The following PTPRS variants were observed in gnomAD, a reference collection of about 807,000 sequenced individuals.
PTPRS encodes the protein protein tyrosine phosphatase receptor type S, also known as receptor-type tyrosine-protein phosphatase S.
PTPRS carries 63 observed loss-of-function variants against 215.3 expected under a neutral mutation model. The observed-to-expected ratio is 0.29, with a 90% CI of 0.24 to 0.36. The LOEUF (loss-of-function observed/expected upper bound fraction) is 0.36, where lower values mean the gene tolerates loss of function less well. Ranked by LOEUF, PTPRS falls within the 10% of genes least tolerant of loss-of-function variation. The probability of loss-of-function intolerance (pLI) is 1.00; values close to 1 mark genes in which losing one functional copy is unlikely to be tolerated. For missense variants in PTPRS, 2,258 were observed against 2,825.8 expected, an observed-to-expected ratio of 0.80 and a Z score of 4.56; for synonymous variants, 1,404 against 1,191.4, an observed-to-expected ratio of 1.18 and a Z score of -3.68.
In PTPRS at chr19:5,262,185, G is replaced by T. The variant is rs143159560; in HGVS notation, c.577+779C>A. The stretch of plus-strand genomic sequence containing the variant: ...TGCTACTCAGGAGACTGAGGCAGGA[G>T]AATTGCTTGAATCGGGGACGTGGAG... On this transcript the variant is annotated intron_variant, in intron 6 of 37. Transcript: ENST00000262963. 4.0e-3 allele frequency among the ~76,000 whole-genome samples: 613 copies of T among 152,292 alleles called. 3 individuals are homozygous for T. The highest frequency in any genetic ancestry group is 0.013 in the African/African-American group (554 of 41,554).
intron 1 of PTPRS, among the ~76,000 whole-genome samples, chr19:5,330,321 C>T (rs1377772651): frequency 6.6e-6 from 1 of 152,154 alleles, no homozygotes; most frequent in South Asian, 2.1e-4. Flanking sequence ...TTTCCCCATC[C>T]GCAAGACAAG....
At chr19:5,337,420 C>T (rs77553489) in intron 1 of PTPRS, among the ~76,000 whole-genome samples, 15,783 of 152,216 alleles carry the variant, frequency 0.1, 1,003 homozygotes, top group Middle Eastern at 0.21. Flanking sequence ...CGTCCCTCTC[C>T]GGCCATCCCA....
intron 1 of PTPRS, among the ~76,000 whole-genome samples, chr19:5,333,343 T>C (rs1247705759): frequency 6.7e-6 from 1 of 149,986 alleles, no homozygotes; most frequent in Non-Finnish European, 1.5e-5. Context: ...ATAATAATAA[T>C]AATAATACAA....
Position 5,225,756 on chromosome 19 carries a change from T to C in PTPRS, c.2465A>G (p.Lys822Arg), listed in dbSNP as rs1475868980. ...TCCCTTGGTCACAACCACCTTGGGT[T>C]TGCTGCGAGCGCCATCGCCCTTCAT... Reference protein sequence around the residue: ...YTMKGDGARSKPKVVVTKGAV... With the variant: ...YTMKGDGARSRPKVVVTKGAV... Residue 822 changes from lysine to arginine, a missense_variant, in exon 17 of 38, where the codon AAA becomes AGA. By Grantham distance (26) the Lys-to-Arg change is conservative. This residue lies in a region of PTPRS where 371 missense variants were observed against 446.7 expected (regional missense o/e 0.83). Transcript: ENST00000262963. 1 of 1,614,010 alleles carries C rather than the reference T, an allele frequency of 6.2e-7. No individual in the cohort carries two copies. The highest frequency in any genetic ancestry group is 1.1e-5 in the South Asian group (1 of 91,082).
chr19:5,257,981 G>A lies in PTPRS; in HGVS notation c.706+36C>T. Reference sequence around the variant, plus strand: ...GGAGGGAGGGGGATGGGACGGGGCGGGTCCCTGCCTTTGACCTGGACGCGG... The same window carrying A: ...GGAGGGAGGGGGATGGGACGGGGCGAGTCCCTGCCTTTGACCTGGACGCGG... On this transcript the variant is annotated intron_variant, in intron 8 of 37. Coordinates refer to ENST00000262963, the MANE Select transcript of PTPRS (RefSeq NM_002850.4). The surrounding 1 kb of genome is among the most constrained non-coding windows in gnomAD (Gnocchi z 4.4). 2 of 1,566,836 alleles carry A rather than the reference G, an allele frequency of 1.3e-6. No homozygotes were observed. The highest frequency in any genetic ancestry group is 2.2e-5 in the South Asian group (2 of 88,974).
chr19:5,321,074 C>T (rs2050012526), intron 1 of PTPRS, among the ~76,000 whole-genome samples: 1 of 152,088 alleles, frequency 6.6e-6, no homozygotes, highest in African/African-American at 2.4e-5. Flanking sequence ...CCAGCCTGGA[C>T]AACATAACAA....
intron 9 of PTPRS, among the ~76,000 whole-genome samples, chr19:5,246,990 C>T (rs1340041682): frequency 6.6e-6 from 1 of 151,414 alleles, no homozygotes; most frequent in Non-Finnish European, 1.5e-5. Context: ...CTAGTGCACA[C>T]TTACGTGACA....
At chr19:5,250,681 G>A (rs1477117785) in intron 9 of PTPRS, among the ~76,000 whole-genome samples, 1 of 148,602 alleles carries the variant, frequency 6.7e-6, no homozygotes, top group Non-Finnish European at 1.5e-5. Flanking sequence ...GTGGCAGGTT[G>A]TGGGGGGTGG....
At position 5,206,852 on chromosome 19, in the gene PTPRS, C is replaced by T. The variant is rs186731512; in HGVS notation, c.5779-10G>A. 17 of 1,613,818 alleles carry T rather than the reference C, an allele frequency of 1.1e-5. No homozygotes were observed. Among genetic ancestry groups the T allele is most frequent in the Non-Finnish European group, 1.4e-5 (16 of 1,179,768 alleles). On this transcript the variant is annotated splice_polypyrimidine_tract_variant and intron_variant, in intron 37 of 37. Transcript: ENST00000262963. ...AGAACTGGTACTCATCCTGGGGGAG[C>T]AGAGGTGACCTGTTAGTACCTCCGC...
chr19:5,235,071 G>T (rs1373984275), intron 13 of PTPRS, among the ~76,000 whole-genome samples: 4 of 151,894 alleles, frequency 2.6e-5, no homozygotes, highest in Admixed American at 2.0e-4. Flanking sequence ...CTCCCGAGTA[G>T]CTGGGACTAC....
In PTPRS at chr19:5,222,097, CCTGCCTGCTGGCTG is replaced by C; in HGVS notation, c.3201+12_3201+25del. ...TACAACCCCTGACCCTGCCTGCCTG[CCTGCCTGCTGGCTG>C]GGCAGTCGCACCTTGTAGGGTGTGG... is the stretch of plus-strand genomic sequence containing the variant. On this transcript the variant is annotated intron_variant, in intron 19 of 37. Coordinates refer to ENST00000262963, the MANE Select transcript of PTPRS (RefSeq NM_002850.4). 6.3e-7 allele frequency: 1 copy of C among 1,589,856 alleles called. No individual in the cohort carries two copies. Among genetic ancestry groups the C allele is most frequent in the Non-Finnish European group, 8.6e-7 (1 of 1,158,488 alleles).
intron 4 of PTPRS, among the ~76,000 whole-genome samples, chr19:5,269,471 CCCA>C (rs1221218179): frequency 6.6e-6 from 1 of 152,022 alleles, no homozygotes; most frequent in African/African-American, 2.4e-5. Context: ...CAGATGGTCC[CCCA>C]CCAACTGCCA....
Position 5,206,824 on chromosome 19 carries a change from A to G in PTPRS, c.5797T>C (p.Tyr1933His), listed in dbSNP as rs1350885501. ...CCGAGGTACTCCAGTGCCGCCTGGT[A>G]ACAGAACTGGTACTCATCCTGGGGG... ...VQTEDEYQFC[Y>H]QAALEYLGSF... The change falls in exon 38 of 38, where the codon TAC becomes CAC. Residue 1933 changes from tyrosine (Y) to histidine (H), a missense_variant. Around this residue, in one of 6 missense-constraint regions of PTPRS, gnomAD observed 89 missense variants for 104.0 expected, o/e 0.86. Coordinates refer to ENST00000262963, the MANE Select transcript of PTPRS (RefSeq NM_002850.4). 1.2e-6 allele frequency: 2 copies of G among 1,614,050 alleles called. No individual in the cohort carries two copies. The highest frequency in any genetic ancestry group is 2.2e-5 in the South Asian group (2 of 91,076).
At chr19:5,260,180 C>A (rs867712980) in intron 7 of PTPRS, among the ~76,000 whole-genome samples, 3 of 135,900 alleles carry the variant, frequency 2.2e-5, no homozygotes, top group Non-Finnish European at 3.2e-5. Context: ...CGTTTTGTTT[C>A]TTTTTTTTTT....
chr19:5,215,659 A>C (rs1373800404), intron 26 of PTPRS, 64 bp from the exon 27 acceptor site: 177 of 257,878 alleles, frequency 6.9e-4, no homozygotes, highest in Non-Finnish European at 8.9e-4. Flanking sequence ...GACTCGGGGG[A>C]GGGGGGTGAT....
At chr19:5,240,375 A>G in intron 11 of PTPRS, 43 bp from the exon 12 acceptor site, 3 of 1,531,768 alleles carry the variant, frequency 2.0e-6, no homozygotes, top group Non-Finnish European at 2.6e-6. Context: ...GGGAGCGTCC[A>G]CCCCACAAAG....
At chr19:5,222,402 C>T (rs371814629) in intron 18 of PTPRS, among the ~76,000 whole-genome samples, 182 bp from the exon 19 acceptor site, 21 of 151,428 alleles carry the variant, frequency 1.4e-4, no homozygotes, top group African/African-American at 4.9e-4. Context: ...GTCCCAAGTC[C>T]CTGCTTCGGG....
chr19:5,275,810 A>C (rs985655217), intron 2 of PTPRS, among the ~76,000 whole-genome samples: 2 of 151,980 alleles, frequency 1.3e-5, no homozygotes, highest in African/African-American at 4.8e-5. Context: ...CGTCTCAAAA[A>C]ACAAAAACAA....
chr19:5,284,946 T>A (rs1304372555), intron 2 of PTPRS, among the ~76,000 whole-genome samples: 1 of 151,426 alleles, frequency 6.6e-6, no homozygotes, highest in Non-Finnish European at 1.5e-5. Context: ...AGACCCCATC[T>A]CAAAAGGAAA....
Sources: gnomAD v4.1 joint callset for allele counts (sites outside exome capture counted in the v4.1 genomes callset) on GRCh38, gnomAD v4.1.1 for gene constraint, gnomAD v4.1.1 regional missense constraint, Gnocchi (gnomAD v3.1) non-coding constraint, MANE v1.5 for transcripts, NCBI Gene and HGNC (gene_info 2026-07-23, HGNC 2026-07-21) for gene names.